The following CASK variants were observed in gnomAD, a reference collection of about 807,000 sequenced individuals.
CASK encodes the protein calcium/calmodulin dependent serine protein kinase, also known as peripheral plasma membrane protein CASK.
In CASK, 4 loss-of-function variants were observed where a neutral mutation model predicts 82.9. The observed-to-expected ratio is 0.05, with a 90% CI of 0.02 to 0.11. The LOEUF (loss-of-function observed/expected upper bound fraction) is 0.11. CASK is among the 10% of genes least tolerant of loss of function. The pLI, the probability that CASK is intolerant of heterozygous loss-of-function variation, is 1.00. For missense variants in CASK, 358 were observed against 720.9 expected, an observed-to-expected ratio of 0.50 and a Z score of 5.76; for synonymous variants, 259 against 253.5, an observed-to-expected ratio of 1.02 and a Z score of -0.20.
chrX:41,652,573 CT>C lies in CASK; in HGVS notation c.831+7865del, dbSNP rs776613407. On this transcript the variant is annotated intron_variant, in intron 8 of 26. Transcript: ENST00000378163. ...CCAAGGAGGGATGAGAGGGTTGGGA[CT>C]TTTGGCCCCACCCCCAACCTCCAGG... Among the ~76,000 whole-genome samples the C allele has an allele frequency of 2.7e-5, 3 of 110,999 alleles. No homozygotes were observed. The Admixed American group carries it at 2.9e-4, about 11-fold the overall frequency.
intron 1 of CASK, among the ~76,000 whole-genome samples, chrX:41,880,518 C>T (rs1373742279): frequency 1.8e-5 from 2 of 111,337 alleles, no homozygotes. Flanking sequence ...ATAATTTCCT[C>T]CCACTTGATC....
At chrX:41,686,379 C>A (rs2067440583) in intron 5 of CASK, among the ~76,000 whole-genome samples, 1 of 109,952 alleles carries the variant, frequency 9.1e-6, no homozygotes, top group Non-Finnish European at 1.9e-5. Flanking sequence ...GCGTGAGCCA[C>A]CACACCTGGC....
At chrX:41,626,102 C>T (rs1478616598) in intron 10 of CASK, among the ~76,000 whole-genome samples, 1 of 109,508 alleles carries the variant, frequency 9.1e-6, no homozygotes, top group Non-Finnish European at 1.9e-5. Flanking sequence ...CCATGCCTGG[C>T]CGTGTTATAG....
At position 41,679,897 on chromosome X, in the gene CASK, A is replaced by T. The variant is rs1164359954; in HGVS notation, c.430-8367T>A. Among the ~76,000 whole-genome samples, 21 of 111,853 alleles carry T rather than the reference A, an allele frequency of 1.9e-4. No homozygotes were observed. In the Admixed American group the frequency reaches 2.0e-3, roughly 11 times the overall value. Reference sequence around the variant, plus strand: ...TCTCTAAGTAGCCCTGTTTCTTTTTAGTGCAAAAAACGATTTAAATCCATG... The same window carrying T: ...TCTCTAAGTAGCCCTGTTTCTTTTTTGTGCAAAAAACGATTTAAATCCATG... On this transcript the variant is annotated intron_variant, in intron 5 of 26. Transcript: ENST00000378163.
intron 16 of CASK, among the ~76,000 whole-genome samples, chrX:41,569,112 C>A (rs2065365789): frequency 8.9e-6 from 1 of 112,277 alleles, no homozygotes; most frequent in Non-Finnish European, 1.9e-5. Flanking sequence ...ACATCTCTTA[C>A]CATTTAATTT....
At chrX:41,590,178 C>G (rs748398454) in intron 12 of CASK, 1 of 113,493 alleles carries the variant, frequency 8.8e-6, no homozygotes, top group South Asian at 3.6e-4. Flanking sequence ...TTTCTTTTGA[C>G]TCTGCCAATT....
chrX:41,793,016 A>G (rs1379031250), intron 2 of CASK, among the ~76,000 whole-genome samples: 4 of 112,056 alleles, frequency 3.6e-5, no homozygotes, highest in Non-Finnish European at 7.5e-5. Flanking sequence ...TCCAAAAAGA[A>G]TCTAAATTCA....
At chrX:41,790,150 C>A in intron 2 of CASK, 1 of 824,013 alleles carries the variant, frequency 1.2e-6, no homozygotes, top group Non-Finnish European at 1.6e-6. Context: ...CAAACCATCA[C>A]AAATGAGGAC....
chrX:41,528,107 C>T (rs1172779439), intron 25 of CASK, among the ~76,000 whole-genome samples: 1 of 112,408 alleles, frequency 8.9e-6, no homozygotes, highest in Non-Finnish European at 1.9e-5. Context: ...CACAGTTCAA[C>T]TTCACACCTC....
chrX:41,916,771 G>A (rs1253015898), intron 1 of CASK, among the ~76,000 whole-genome samples: 1 of 112,052 alleles, frequency 8.9e-6, no homozygotes. Flanking sequence ...ATCTACCTCT[G>A]AAACCTTATT....
intron 15 of CASK, among the ~76,000 whole-genome samples, chrX:41,577,422 C>T (rs958275463): frequency 1.8e-5 from 2 of 112,040 alleles, no homozygotes; most frequent in African/African-American, 3.2e-5. Flanking sequence ...CCCTCTCATA[C>T]ATTCTCTAGA....
intron 16 of CASK, among the ~76,000 whole-genome samples, chrX:41,567,576 A>C (rs190264249): frequency 1.8e-5 from 2 of 112,190 alleles, no homozygotes; most frequent in African/African-American, 6.5e-5. Context: ...AATCATTAAA[A>C]TGTCAGGAAA....
chrX:41,592,605 C>T (rs1178458605), intron 12 of CASK, among the ~76,000 whole-genome samples: 1 of 111,212 alleles, frequency 9.0e-6, no homozygotes, highest in Non-Finnish European at 1.9e-5. Context: ...GACCCCCCTC[C>T]AGACCTACAA....
intron 3 of CASK, among the ~76,000 whole-genome samples, chrX:41,747,492 T>G (rs1031562759): frequency 2.7e-5 from 3 of 111,144 alleles, no homozygotes; most frequent in Non-Finnish European, 5.7e-5. Context: ...CAGGCTGGAG[T>G]GCAGTGGTGC....
intron 2 of CASK, among the ~76,000 whole-genome samples, chrX:41,792,814 C>G (rs2069761451): frequency 9.0e-6 from 1 of 111,325 alleles, no homozygotes; most frequent in African/African-American, 3.3e-5. Flanking sequence ...TCTCTGAGAT[C>G]TAGCATGTAT....
rs1226724134 is a variant in CASK at position 41,819,769 on chromosome X, C to T, written c.173-32486G>A. 5.4e-5 allele frequency among the ~76,000 whole-genome samples: 6 copies of T among 111,558 alleles called. No homozygotes were observed. In the East Asian group the frequency reaches 1.4e-3, roughly 26 times the overall value. On this transcript the variant is annotated intron_variant, in intron 2 of 26. Transcript: ENST00000378163. The stretch of plus-strand genomic sequence containing the variant: ...CCAAGTAGGGTTTATCCCAGGAATG[C>T]AAGGTTACTTTAGCATTCAAAATTC...
intron 5 of CASK, among the ~76,000 whole-genome samples, chrX:41,691,421 G>A (rs1380769001): frequency 2.7e-5 from 3 of 111,720 alleles, no homozygotes; most frequent in Non-Finnish European, 3.8e-5. Flanking sequence ...GTATGTTAAA[G>A]GAATCATGTC....
At position 41,914,053 on chromosome X, in the gene CASK, GTAAC is replaced by G. The variant is rs1449968118; in HGVS notation, c.59+8873_59+8876del. On this transcript the variant is annotated intron_variant, in intron 1 of 26. Coordinates refer to ENST00000378163, the MANE Select transcript of CASK (RefSeq NM_001367721.1). ...GGAAGGACTAGAGAGAGAGACCTCT[GTAAC>G]TGAATGAATATCATCATCCTTTAAT... Among the ~76,000 whole-genome samples, 6 of 112,240 alleles carry G rather than the reference GTAAC, an allele frequency of 5.3e-5. 1 individual carries two copies. The highest frequency in any genetic ancestry group is 1.1e-4 in the Non-Finnish European group (6 of 53,305).
In CASK at chrX:41,517,340, C is replaced by G. The variant is rs752280633; in HGVS notation, c.*3080G>C. ...TGAGCAAAGATTTTAAATCATCTCA[C>G]CTGACAAGAGATACATTTAATTGCA... On this transcript the variant is annotated 3_prime_UTR_variant, in exon 27 of 27. Coordinates refer to ENST00000378163, the MANE Select transcript of CASK (RefSeq NM_001367721.1). 4.0e-4 allele frequency: 50 copies of G among 123,841 alleles called. No individual in the cohort carries two copies. Among genetic ancestry groups the G allele is most frequent in the Non-Finnish European group, 1.3e-4 (8 of 60,540 alleles). The allele number at this position is 123,841 out of a possible 1,213,427, so 10.2% of individuals were successfully genotyped here.
Sources: allele counts gnomAD v4.1 joint callset (sites outside exome capture counted in the v4.1 genomes callset), GRCh38; gene constraint gnomAD v4.1.1; transcripts MANE v1.5; gene names NCBI Gene and HGNC (gene_info 2026-07-23, HGNC 2026-07-21).